ASAP1: variants seen among roughly 807,000 people sequenced by gnomAD.
The protein encoded by ASAP1 is arf-GAP with SH3 domain, ANK repeat and PH domain-containing protein 1.
In ASAP1, 43 loss-of-function variants were observed where a neutral mutation model predicts 145.2. That is an observed-to-expected ratio of 0.30 (90% CI 0.23 to 0.38). The LOEUF (loss-of-function observed/expected upper bound fraction) is 0.38. Among genes scored for constraint, ASAP1 ranks in the 10% least tolerant of loss-of-function variants. The pLI is 1.00. For missense variants in ASAP1, 1,018 were observed against 1,355.3 expected, an observed-to-expected ratio of 0.75 and a Z score of 3.91; for synonymous variants, 546 against 515.5, an observed-to-expected ratio of 1.06 and a Z score of -0.80.
intron 5 of ASAP1, among the ~76,000 whole-genome samples, chr8:130,196,658 C>A (rs1815511809): frequency 6.6e-6 from 1 of 152,238 alleles, no homozygotes; most frequent in South Asian, 2.1e-4. Flanking sequence ...TGTCATCTTG[C>A]ATTAATCTTG....
intron 24 of ASAP1, among the ~76,000 whole-genome samples, chr8:130,111,789 G>T (rs1392217718): frequency 6.6e-6 from 1 of 152,164 alleles, no homozygotes; most frequent in Non-Finnish European, 1.5e-5. Flanking sequence ...CCTTGGGCTG[G>T]TCAGTGTATC....
chr8:130,362,945 G>A lies in ASAP1; in HGVS notation c.60-4802C>T, dbSNP rs147781232. On this transcript the variant is annotated intron_variant, in intron 2 of 29. Transcript: ENST00000518721. ...CAACTTCTAGGGGATGATAGCATGGGGCATTTCTTTTGCAGGAGCATGAAT... is the reference window on the plus strand; with the variant it reads ...CAACTTCTAGGGGATGATAGCATGGAGCATTTCTTTTGCAGGAGCATGAAT... Among the ~76,000 whole-genome samples, 88 of 152,276 alleles carry A rather than the reference G, an allele frequency of 5.8e-4. 2 individuals carry two copies. The East Asian group carries it at 0.017, about 29-fold the overall frequency.
chr8:130,389,326 G>T (rs556880154), intron 2 of ASAP1, among the ~76,000 whole-genome samples: 15 of 152,256 alleles, frequency 9.9e-5, no homozygotes, highest in African/African-American at 3.1e-4. Flanking sequence ...CTGCAGTTCC[G>T]CCATGTGATG....
At chr8:130,189,992 A>G (rs1815027247) in intron 5 of ASAP1, among the ~76,000 whole-genome samples, 1 of 152,062 alleles carries the variant, frequency 6.6e-6, no homozygotes, top group Non-Finnish European at 1.5e-5. Context: ...CCAGTTTAAA[A>G]CTGGATTTTT....
At chr8:130,410,426 A>G (rs1416450955) in intron 1 of ASAP1, among the ~76,000 whole-genome samples, 1 of 152,202 alleles carries the variant, frequency 6.6e-6, no homozygotes, top group Non-Finnish European at 1.5e-5. Context: ...GAGAGTTCTC[A>G]AGTTTATTCT....
In ASAP1 at chr8:130,408,150, C is replaced by T. The variant is rs138109345; in HGVS notation, c.-27-6180G>A. On this transcript the variant is annotated intron_variant, in intron 1 of 29. Transcript: ENST00000518721. The stretch of plus-strand genomic sequence containing the variant: ...TAATCTATCCACTTGTGAACTCTAA[C>T]AGCACTGCTAATAACCATAGCAACC... Among the ~76,000 whole-genome samples the T allele has an allele frequency of 7.6e-3, 1,163 of 152,342 alleles. 3 individuals carry two copies. The highest frequency in any genetic ancestry group is 0.015 in the Admixed American group (232 of 15,302).
intron 13 of ASAP1, among the ~76,000 whole-genome samples, chr8:130,140,734 A>G (rs2097608608): frequency 1.3e-5 from 2 of 152,210 alleles, no homozygotes; most frequent in Admixed American, 1.3e-4. Context: ...TTGCCTAAAC[A>G]TAGTGCTCTT....
intron 24 of ASAP1, among the ~76,000 whole-genome samples, chr8:130,105,966 C>T (rs1156590640): frequency 6.6e-6 from 1 of 152,138 alleles, no homozygotes; most frequent in African/African-American, 2.4e-5. Flanking sequence ...TAACAATTAA[C>T]TCATCCACCC....
chr8:130,375,791 T>G (rs555086854), intron 2 of ASAP1, among the ~76,000 whole-genome samples: 1 of 152,132 alleles, frequency 6.6e-6, no homozygotes, highest in Non-Finnish European at 1.5e-5. Flanking sequence ...CACAAGGAAA[T>G]TGAGGCACAG....
chr8:130,091,064 C>A (rs1023940332), intron 25 of ASAP1, among the ~76,000 whole-genome samples: 1 of 152,146 alleles, frequency 6.6e-6, no homozygotes, highest in African/African-American at 2.4e-5. Flanking sequence ...GGAATTATGT[C>A]CCTTGTAGAT....
intron 18 of ASAP1, among the ~76,000 whole-genome samples, chr8:130,122,111 C>T (rs1247995045): frequency 6.6e-6 from 1 of 152,096 alleles, no homozygotes; most frequent in Non-Finnish European, 1.5e-5. Context: ...TCTGCACTTT[C>T]CCCACCTTCA....
chr8:130,239,436 C>T (rs1586660818), intron 3 of ASAP1, among the ~76,000 whole-genome samples: 2 of 152,118 alleles, frequency 1.3e-5, no homozygotes, highest in South Asian at 4.1e-4. Context: ...GTTAACTTGT[C>T]CAGGGTGGCT....
chr8:130,233,621 A>G (rs375018436), intron 4 of ASAP1, among the ~76,000 whole-genome samples: 67 of 152,222 alleles, frequency 4.4e-4, no homozygotes, highest in African/African-American at 1.5e-3. Flanking sequence ...TCCTCACGCT[A>G]CCTCAGATCC....
At chr8:130,382,558 A>T (rs1388538838) in intron 2 of ASAP1, among the ~76,000 whole-genome samples, 1 of 152,154 alleles carries the variant, frequency 6.6e-6, no homozygotes, top group Non-Finnish European at 1.5e-5. Context: ...CAGTGCTACC[A>T]CCCAATAGAT....
intron 27 of ASAP1, among the ~76,000 whole-genome samples, chr8:130,072,854 G>C (rs972100511): frequency 1.3e-5 from 1 of 79,108 alleles, no homozygotes; most frequent in African/African-American, 4.4e-5. Context: ...TTTGGGGACT[G>C]AGCTCTCACC....
chr8:130,121,746 T>A (rs1466123719), intron 18 of ASAP1, among the ~76,000 whole-genome samples: 2 of 119,316 alleles, frequency 1.7e-5, no homozygotes, highest in African/African-American at 3.2e-5. Flanking sequence ...ATCGCATCAC[T>A]GCACTCCAGC....
Position 130,054,636 on chromosome 8 carries a change from C to G in ASAP1, c.*95G>C, listed in dbSNP as rs191392399. 75 of 1,073,334 alleles carry G rather than the reference C, an allele frequency of 7.0e-5. No homozygotes were observed. The highest frequency in any genetic ancestry group is 9.8e-5 in the Non-Finnish European group (68 of 696,296). The allele number at this position is 1,073,334 out of a possible 1,614,324, so 66.5% of individuals were successfully genotyped here. On this transcript the variant is annotated 3_prime_UTR_variant, in exon 30 of 30. Transcript: ENST00000518721. The stretch of plus-strand genomic sequence containing the variant: ...GTGGCCCTTCCATGAGTTTCTTACT[C>G]TGTAACAGCAGCTATATACACACTG...
At chr8:130,364,679 C>T (rs1586915010) in intron 2 of ASAP1, among the ~76,000 whole-genome samples, 1 of 152,340 alleles carries the variant, frequency 6.6e-6, no homozygotes, top group Middle Eastern at 3.4e-3. Flanking sequence ...CTCCTTGCCC[C>T]ATTCCTCCAG....
intron 3 of ASAP1, among the ~76,000 whole-genome samples, chr8:130,253,207 T>C (rs572941166): frequency 2.0e-5 from 3 of 152,314 alleles, no homozygotes; most frequent in South Asian, 4.1e-4. Context: ...GGTCAAATCC[T>C]AGCTCCACTA....
Sources: allele counts gnomAD v4.1 joint callset (sites outside exome capture counted in the v4.1 genomes callset), GRCh38; gene constraint gnomAD v4.1.1; transcripts MANE v1.5; gene names NCBI Gene and HGNC (gene_info 2026-07-23, HGNC 2026-07-21).